Variants in PDE1A observed in about 807,000 individuals in gnomAD.
PDE1A encodes dual specificity calcium/calmodulin-dependent 3',5'-cyclic nucleotide phosphodiesterase 1A.
Under a neutral mutation model 61.7 loss-of-function variants are expected in PDE1A, and 35 were observed. The observed-to-expected ratio is 0.57, with a 90% CI of 0.43 to 0.75. PDE1A has a LOEUF of 0.75. Ranked by LOEUF, PDE1A falls within the 30% of genes least tolerant of loss-of-function variation. The pLI is 0.00. For synonymous variants in PDE1A, 232 were observed against 213.2 expected (o/e 1.09, Z -0.77); for missense variants, 597 against 630.6 (o/e 0.95, Z 0.57).
the PDE1A span, among the ~76,000 whole-genome samples, chr2:182,555,105 C>G: frequency 6.6e-6 from 1 of 152,306 alleles, no homozygotes; most frequent in South Asian, 2.1e-4. Context: ...GGCAATGACT[C>G]AAATGGCAAA....
At chr2:182,641,105 A>G in the PDE1A span, among the ~76,000 whole-genome samples, 1 of 152,080 alleles carries the variant, frequency 6.6e-6, no homozygotes, top group Non-Finnish European at 1.5e-5. Context: ...CATGTGAAAA[A>G]TGAAAGAACA....
chr2:182,264,047 AT>A (rs1026760503), intron 2 of PDE1A, among the ~76,000 whole-genome samples: 1 of 151,616 alleles, frequency 6.6e-6, no homozygotes, highest in African/African-American at 2.4e-5. Context: ...GGAAGAGGAG[AT>A]TTTTTTTTCA....
At chr2:182,308,857 C>T (rs934693392) in intron 1 of PDE1A, among the ~76,000 whole-genome samples, 1 of 151,978 alleles carries the variant, frequency 6.6e-6, no homozygotes, top group Non-Finnish European at 1.5e-5. Context: ...TAAAATTCAG[C>T]TTAGTCAAAG....
intron 13 of PDE1A, among the ~76,000 whole-genome samples, chr2:182,149,653 C>T (rs554410479): frequency 7.9e-5 from 12 of 152,222 alleles, no homozygotes; most frequent in African/African-American, 2.9e-4. Context: ...GGCAGTACTG[C>T]TTGTTAGTGA....
chr2:182,344,652 G>C (rs1199403338), intron 1 of PDE1A, among the ~76,000 whole-genome samples: 1 of 152,106 alleles, frequency 6.6e-6, no homozygotes, highest in African/African-American at 2.4e-5. Flanking sequence ...AAAACTGCTT[G>C]CATCTTTAAA....
the PDE1A span, among the ~76,000 whole-genome samples, chr2:182,650,084 C>A: frequency 5.3e-5 from 8 of 152,014 alleles, no homozygotes; most frequent in African/African-American, 1.7e-4. Context: ...GAGACTCTCT[C>A]TCCAAAAAAG....
the PDE1A span, among the ~76,000 whole-genome samples, chr2:182,691,699 G>T: frequency 3.3e-5 from 5 of 152,082 alleles, no homozygotes; most frequent in African/African-American, 1.2e-4. Flanking sequence ...TTAAACTAAA[G>T]AGCTTCTGCA....
the PDE1A span, among the ~76,000 whole-genome samples, chr2:182,609,549 G>T: frequency 1.3e-5 from 2 of 152,306 alleles, no homozygotes; most frequent in South Asian, 4.1e-4. Context: ...CAGGAGGAAT[G>T]AAAAACTCCA....
chr2:182,667,401 G>C, the PDE1A span, among the ~76,000 whole-genome samples: 1 of 152,244 alleles, frequency 6.6e-6, no homozygotes, highest in South Asian at 2.1e-4. Flanking sequence ...TGGAATCAGG[G>C]AACCCATCAC....
intron 2 of PDE1A, among the ~76,000 whole-genome samples, chr2:182,256,102 T>C (rs183628394): frequency 0.014 from 2,010 of 147,836 alleles, 34 homozygotes; most frequent in African/African-American, 0.027. Flanking sequence ...TTTTTTATTA[T>C]ACTTTAAGTT....
chr2:182,500,167 T>C (rs1175854610), intron 2 of PDE1A, among the ~76,000 whole-genome samples: 1 of 152,154 alleles, frequency 6.6e-6, no homozygotes, highest in South Asian at 2.1e-4. Context: ...AAATGAGATA[T>C]TTATTAATTC....
chr2:182,639,782 G>A, the PDE1A span, among the ~76,000 whole-genome samples: 1 of 151,232 alleles, frequency 6.6e-6, no homozygotes, highest in Admixed American at 6.6e-5. Flanking sequence ...GGAATCCTGA[G>A]AGAATAAAAC....
At chr2:182,702,522 A>G in the PDE1A span, among the ~76,000 whole-genome samples, 2 of 152,218 alleles carry the variant, frequency 1.3e-5, no homozygotes, top group African/African-American at 2.4e-5. Flanking sequence ...GAGGGAGAGG[A>G]GAAATGCACA....
chr2:182,498,151 T>C lies in PDE1A; in HGVS notation c.101+24125A>G, dbSNP rs150359566. Among the ~76,000 whole-genome samples, 46 of 151,748 alleles carry C rather than the reference T, an allele frequency of 3.0e-4. No homozygotes were observed. The Middle Eastern group carries it at 0.031, about 101-fold the overall frequency. On this transcript the variant is annotated intron_variant, in intron 2 of 14. Coordinates refer to the PDE1A transcript ENST00000410103. The stretch of plus-strand genomic sequence containing the variant: ...CAATGAGCTCTGCAGTGTCTCACTT[T>C]GCAATGCGAGAAGGCAGCCAAGAAT...
intron 2 of PDE1A, among the ~76,000 whole-genome samples, chr2:182,495,341 T>C (rs1224068961): frequency 6.6e-6 from 1 of 152,158 alleles, no homozygotes; most frequent in Non-Finnish European, 1.5e-5. Flanking sequence ...TCTCTAATGC[T>C]AGAGAACCCA....
At chr2:182,612,703 A>G in the PDE1A span, among the ~76,000 whole-genome samples, 2 of 152,206 alleles carry the variant, frequency 1.3e-5, no homozygotes, top group African/African-American at 4.8e-5. Flanking sequence ...AAAAGCAAAA[A>G]AGTAGGCGCA....
At chr2:182,624,061 C>T in the PDE1A span, among the ~76,000 whole-genome samples, 1 of 146,378 alleles carries the variant, frequency 6.8e-6, no homozygotes, top group Non-Finnish European at 1.5e-5. Context: ...GGAGGCAGAG[C>T]TTGCAGCGAG....
rs556767253 is a variant in PDE1A at position 182,255,904 on chromosome 2, C to T, written c.167+8397G>A. 3.4e-3 allele frequency among the ~76,000 whole-genome samples: 523 copies of T among 151,686 alleles called. 2 individuals carry two copies. The highest frequency in any genetic ancestry group is 3.3e-3 in the Non-Finnish European group (222 of 67,844). ...AACTCCTGACCTTGTGATCTGCTGA[C>T]CTAATGATCCACCCGCCTCGGCCTC... On this transcript the variant is annotated intron_variant, in intron 2 of 13. Transcript: ENST00000351439.
chr2:182,153,705 T>G (rs115327853), intron 13 of PDE1A, among the ~76,000 whole-genome samples: 3 of 152,156 alleles, frequency 2.0e-5, no homozygotes, highest in Non-Finnish European at 2.9e-5. Flanking sequence ...ACTTTATCTC[T>G]TGTAAAGAGT....
Sources: gnomAD v4.1 joint callset for allele counts (sites outside exome capture counted in the v4.1 genomes callset) on GRCh38, gnomAD v4.1.1 for gene constraint, MANE v1.5 for transcripts, NCBI Gene and HGNC (gene_info 2026-07-23, HGNC 2026-07-21) for gene names.